Variants in QTGAL observed in about 807,000 individuals in gnomAD.
QTGAL encodes BGnT-like protein 1.
At chr17:83,025,045 A>G in the QTGAL span, among the ~76,000 whole-genome samples, 1 of 152,234 alleles carries the variant, frequency 6.6e-6, no homozygotes, top group Non-Finnish European at 1.5e-5. Flanking sequence ...CGCTGGCCAA[A>G]TCACAGACAG....
chr17:82,974,876 G>A, the QTGAL span, among the ~76,000 whole-genome samples: 266 of 152,248 alleles, frequency 1.7e-3, 3 homozygotes, highest in African/African-American at 5.4e-3. Context: ...GACAGAGCCC[G>A]ACTCCATCCT....
the QTGAL span, chr17:82,942,294 A>G: frequency 9.5e-7 from 1 of 1,054,304 alleles, no homozygotes; most frequent in Non-Finnish European, 1.4e-6. Context: ...TCAGCCACAT[A>G]GCTCAGGCTG....
chr17:82,965,802 A>G, the QTGAL span: 1 of 1,491,788 alleles, frequency 6.7e-7, no homozygotes, highest in African/African-American at 1.4e-5. Context: ...GTCACAAACA[A>G]CCTGCAGTTT....
At chr17:82,957,588 T>C in the QTGAL span, 13 of 1,455,160 alleles carry the variant, frequency 8.9e-6, no homozygotes, top group East Asian at 5.0e-5. Context: ...TCAGCTCACG[T>C]TGCCAGTGGA....
the QTGAL span, among the ~76,000 whole-genome samples, chr17:82,970,022 T>A: frequency 2.6e-5 from 4 of 152,146 alleles, no homozygotes; most frequent in African/African-American, 9.7e-5. Flanking sequence ...AAGGAAACTC[T>A]CAGAACGAAC....
At chr17:82,952,499 CAAG>C in the QTGAL span, among the ~76,000 whole-genome samples, 5 of 152,310 alleles carry the variant, frequency 3.3e-5, no homozygotes, top group African/African-American at 1.2e-4. Context: ...ATCAATGCAA[CAAG>C]AAGAGCTAAC....
the QTGAL span, among the ~76,000 whole-genome samples, chr17:82,976,126 G>A: frequency 7.8e-5 from 3 of 38,228 alleles, no homozygotes; most frequent in Non-Finnish European, 5.0e-5. Flanking sequence ...CCCAGGGGCC[G>A]GAGGCCACTT....
chr17:82,950,617 A>G, the QTGAL span, among the ~76,000 whole-genome samples: 1 of 152,152 alleles, frequency 6.6e-6, no homozygotes, highest in Non-Finnish European at 1.5e-5. Context: ...AGCAATCACT[A>G]TCTTTGGCGG....
the QTGAL span, among the ~76,000 whole-genome samples, chr17:82,954,719 T>C: frequency 6.6e-6 from 1 of 152,204 alleles, no homozygotes; most frequent in African/African-American, 2.4e-5. Flanking sequence ...TCACGCTACC[T>C]GACTTCAAAC....
At chr17:83,006,507 C>T in the QTGAL span, 5 of 985,304 alleles carry the variant, frequency 5.1e-6, no homozygotes, top group African/African-American at 7.0e-5. The surrounding 1 kb of genome is among the most constrained non-coding windows in gnomAD (Gnocchi z 5.8). Context: ...AGGTCAACGC[C>T]GCACCAGGAG....
the QTGAL span, among the ~76,000 whole-genome samples, chr17:82,972,659 A>G: frequency 8.3e-6 from 1 of 120,530 alleles, no homozygotes; most frequent in Non-Finnish European, 1.6e-5. Flanking sequence ...CACCACACTC[A>G]TAGGGGCCAG....
chr17:82,984,780 C>G, the QTGAL span, among the ~76,000 whole-genome samples: 1 of 152,130 alleles, frequency 6.6e-6, no homozygotes, highest in African/African-American at 2.4e-5. Context: ...CAGGGATCCC[C>G]CCAGGAGACG....
chr17:82,979,461 T>C, the QTGAL span: 10 of 152,356 alleles, frequency 6.6e-5, no homozygotes, highest in East Asian at 1.9e-3. Flanking sequence ...CTTTTAGGTA[T>C]ACGTTTCTGT....
At chr17:82,970,078 C>G in the QTGAL span, among the ~76,000 whole-genome samples, 1 of 152,226 alleles carries the variant, frequency 6.6e-6, no homozygotes, top group Non-Finnish European at 1.5e-5. Flanking sequence ...CTTCGAGCAA[C>G]CTACGTTTCG....
the QTGAL span, among the ~76,000 whole-genome samples, chr17:82,991,544 A>C: frequency 1.4e-4 from 22 of 152,298 alleles, no homozygotes; most frequent in East Asian, 3.9e-3. Flanking sequence ...AGATCGCAAC[A>C]CTCAAGTCCT....
chr17:83,008,884 G>T, the QTGAL span, among the ~76,000 whole-genome samples: 3 of 152,048 alleles, frequency 2.0e-5, no homozygotes, highest in African/African-American at 2.4e-5. Flanking sequence ...GTGCGGGCTC[G>T]AGATGATCCC....
chr17:82,972,259 A>G, the QTGAL span, among the ~76,000 whole-genome samples: 34 of 94,420 alleles, frequency 3.6e-4, no homozygotes, highest in African/African-American at 1.3e-3. Flanking sequence ...AGGACCCGGT[A>G]CTGACCACAC....
the QTGAL span, among the ~76,000 whole-genome samples, chr17:83,017,326 C>G: frequency 6.6e-6 from 1 of 152,126 alleles, no homozygotes; most frequent in South Asian, 2.1e-4. Flanking sequence ...TTCAAAATAG[C>G]TAGAAGACTT....
the QTGAL span, among the ~76,000 whole-genome samples, chr17:83,039,453 T>A: frequency 2.0e-5 from 2 of 100,358 alleles, no homozygotes; most frequent in Admixed American, 2.0e-4. Flanking sequence ...CGCCCGCCCC[T>A]CTTCTAGACA....
Sources: gnomAD v4.1 joint callset for allele counts (sites outside exome capture counted in the v4.1 genomes callset) on GRCh38, gnomAD v4.1.1 for gene constraint, Gnocchi (gnomAD v3.1) non-coding constraint, MANE v1.5 for transcripts, NCBI Gene and HGNC (gene_info 2026-07-23, HGNC 2026-07-21) for gene names.